PKDCC: variants seen among roughly 807,000 people sequenced by gnomAD.
The protein encoded by PKDCC is extracellular tyrosine-protein kinase PKDCC.
In PKDCC, 35 loss-of-function variants were observed where a neutral mutation model predicts 44.7. The ratio of observed to expected loss-of-function variants is 0.78; its 90% CI spans 0.60 to 1.04. The LOEUF (loss-of-function observed/expected upper bound fraction) is 1.04. PKDCC is among the 50% of genes least tolerant of loss of function. PKDCC has a pLI of 0.00. For synonymous variants in PKDCC, 353 were observed against 303.3 expected, an observed-to-expected ratio of 1.16 and a Z score of -1.70; for missense variants, 738 against 672.7, an observed-to-expected ratio of 1.10 and a Z score of -1.07.
At chr2:42,053,469 G>T in intron 2 of PKDCC, 108 bp downstream of exon 2, 2 of 1,448,804 alleles carry the variant, frequency 1.4e-6, no homozygotes, top group South Asian at 2.8e-5. Flanking sequence ...CAGGGAGAGG[G>T]AGGGGAGGAA....
chr2:42,057,594 G>A lies in PKDCC; in HGVS notation c.1397-9G>A, dbSNP rs1668079006. On this transcript the variant is annotated splice_polypyrimidine_tract_variant and intron_variant, in intron 6 of 6. Coordinates refer to ENST00000294964, the MANE Select transcript of PKDCC (RefSeq NM_138370.3). ...TCCAGCCCTGTTACCTCTCACCTCT[G>A]CCCCCCAGGTCGGCAGCTGGTCTTT... 1 of 1,613,096 alleles carries A rather than the reference G, an allele frequency of 6.2e-7. No individual in the cohort carries two copies. The highest frequency in any genetic ancestry group is 8.5e-7 in the Non-Finnish European group (1 of 1,179,650).
In PKDCC at chr2:42,055,344, G is replaced by A; in HGVS notation, c.1173G>A (p.Leu391=). ...CCCAGCTGGAGAAGGTGCTGCACCTGTACCGGAGCGGGCAGTATCTGCAGA... is the reference window on the plus strand; with the variant it reads ...CCCAGCTGGAGAAGGTGCTGCACCTATACCGGAGCGGGCAGTATCTGCAGA... ...TLAQLEKVLH[L]YRSGQYLQNS... is the part of the protein sequence containing the mutation. Residue 391 remains leucine, a synonymous_variant, in exon 5 of 7, where the codon CTG becomes CTA. Transcript: ENST00000294964. The surrounding 1 kb of genome is among the most constrained non-coding windows in gnomAD (Gnocchi z 4.5). The A allele has an allele frequency of 6.2e-7, 1 of 1,613,756 alleles. No individual in the cohort carries two copies. The highest frequency in any genetic ancestry group is 8.5e-7 in the Non-Finnish European group (1 of 1,180,006).
chr2:42,053,061 C>G (rs1214825802), intron 1 of PKDCC, among the ~76,000 whole-genome samples, 178 bp from the exon 2 acceptor site: 2 of 152,322 alleles, frequency 1.3e-5, no homozygotes, highest in East Asian at 3.9e-4. Flanking sequence ...AGTAGGAAGT[C>G]TGACTGCAGG....
chr2:42,053,985 AC>A, intron 2 of PKDCC, 50 bp from the exon 3 acceptor site: 1 of 1,574,932 alleles, frequency 6.3e-7, no homozygotes, highest in Non-Finnish European at 8.6e-7. Context: ...AGTCCCACAG[AC>A]CCCCAACCCA....
Position 42,055,415 on chromosome 2 carries a change from C to A in PKDCC, c.1222+22C>A, listed in dbSNP as rs1572762673. The A allele has an allele frequency of 8.7e-6, 14 of 1,604,608 alleles. No individual in the cohort carries two copies. In the East Asian group the frequency reaches 2.9e-4, roughly 33 times the overall value. ...ACCGGTGAGTGGCCCCAAGCTGATCCACAGGGAAGCAAGAAACAGGTGGGA... is the reference window on the plus strand; with the variant it reads ...ACCGGTGAGTGGCCCCAAGCTGATCAACAGGGAAGCAAGAAACAGGTGGGA... On this transcript the variant is annotated intron_variant, in intron 5 of 6. Coordinates refer to ENST00000294964, the MANE Select transcript of PKDCC (RefSeq NM_138370.3). The surrounding 1 kb of genome is among the most constrained non-coding windows in gnomAD (Gnocchi z 4.5).
intron 2 of PKDCC, 171 bp downstream of exon 2, chr2:42,053,532 C>T: frequency 1.1e-6 from 1 of 871,880 alleles, no homozygotes; most frequent in Non-Finnish European, 1.7e-6. Context: ...AGAAGCAAGA[C>T]TTAAAGGATC....
At position 42,057,265 on chromosome 2, in the gene PKDCC, C is replaced by T. The variant is rs1370426689; in HGVS notation, c.1267C>T (p.Arg423Cys). Residue 423 changes from arginine (R) to cysteine (C), a missense_variant, in exon 6 of 7, where the codon CGC (arginine) becomes TGC (cysteine). Coordinates refer to ENST00000294964, the MANE Select transcript of PKDCC (RefSeq NM_138370.3). ...CAGCACCATCCCCCAGGAAGACTAC[C>T]GCTGCTGGCCATCCTACCACCACGG... is the stretch of plus-strand genomic sequence containing the variant. ...PDSTIPQEDY[R>C]CWPSYHHGSC... 1.5e-5 allele frequency: 24 copies of T among 1,614,092 alleles called. No homozygotes were observed. Among genetic ancestry groups the T allele is most frequent in the Middle Eastern group, 1.6e-4 (1 of 6,084 alleles).
At position 42,053,255 on chromosome 2, in the gene PKDCC, A is replaced by G; in HGVS notation, c.656A>G (p.Tyr219Cys). The G allele has an allele frequency of 6.2e-7, 1 of 1,606,768 alleles. No individual in the cohort carries two copies. The highest frequency in any genetic ancestry group is 8.5e-7 in the Non-Finnish European group (1 of 1,178,630). ...PNVLQLYGYC[Y>C]QDSEDIPDTL... Reference sequence around the variant, plus strand: ...TTTCCCCAGCTCTATGGCTACTGCTACCAGGACAGCGAGGACATCCCAGAC... The same window carrying G: ...TTTCCCCAGCTCTATGGCTACTGCTGCCAGGACAGCGAGGACATCCCAGAC... Residue 219 changes from tyrosine (Y) to cysteine (C), a missense_variant, in exon 2 of 7, where the codon TAC (tyrosine) becomes TGC (cysteine). Physicochemically the swap from Tyr to Cys is radical, Grantham distance 194. Transcript: ENST00000294964.
chr2:42,048,498 C>G lies in PKDCC; in HGVS notation c.299C>G (p.Pro100Arg). 5 of 1,069,986 alleles carry G rather than the reference C, an allele frequency of 4.7e-6. No homozygotes were observed. The highest frequency in any genetic ancestry group is 1.7e-5 in the African/African-American group (1 of 58,900). The allele number at this position is 1,069,986 out of a possible 1,614,324, so 66.3% of individuals were successfully genotyped here. A position where few individuals can be genotyped will look rare whatever the true frequency, so the allele number is the denominator to read the frequency against. The change falls in exon 1 of 7, where the codon CCC (proline) becomes CGC (arginine). Residue 100 changes from proline (P) to arginine (R), a missense_variant. Transcript: ENST00000294964. The surrounding 1 kb of genome is among the most constrained non-coding windows in gnomAD (Gnocchi z 6.2). ...LAPGGPGLPRPRPPWARPLSD... is the reference protein window; with the variant it reads ...LAPGGPGLPRRRPPWARPLSD... ...CCGGGCGGGCCCGGCCTGCCGCGCCCCCGGCCCCCTTGGGCCCGGCCCCTG... is the reference window on the plus strand; with the variant it reads ...CCGGGCGGGCCCGGCCTGCCGCGCCGCCGGCCCCCTTGGGCCCGGCCCCTG...
At position 42,048,142 on chromosome 2, in the gene PKDCC, C is replaced by T. The variant is rs1395351670; in HGVS notation, c.-58C>T. 5 of 952,328 alleles carry T rather than the reference C, an allele frequency of 5.3e-6. No individual in the cohort carries two copies. The highest frequency in any genetic ancestry group is 6.2e-6 in the Non-Finnish European group (5 of 810,994). The allele number at this position is 952,328 out of a possible 1,614,324, so 59.0% of individuals were successfully genotyped here. On this transcript the variant is annotated 5_prime_UTR_variant, in exon 1 of 7. Coordinates refer to ENST00000294964, the MANE Select transcript of PKDCC (RefSeq NM_138370.3). The surrounding 1 kb of genome is among the most constrained non-coding windows in gnomAD (Gnocchi z 6.2). ...AGCGGAGCCGCCTCGGAGCCTGAGC[C>T]GCCCGGGGCCGGGGCCGGGGAGCCG...
chr2:42,050,608 T>A lies in PKDCC; in HGVS notation c.639+1770T>A, dbSNP rs1490823800. Among the ~76,000 whole-genome samples, 6 of 152,066 alleles carry A rather than the reference T, an allele frequency of 3.9e-5. No homozygotes were observed. The South Asian group carries it at 1.2e-3, about 32-fold the overall frequency. ...AATTCTGAAGGCACCAAAGAAAAAA[T>A]TACAACAGAATAGTTTTCACCCTTC... On this transcript the variant is annotated intron_variant, in intron 1 of 6. Coordinates refer to ENST00000294964, the MANE Select transcript of PKDCC (RefSeq NM_138370.3).
Position 42,048,394 on chromosome 2 carries a change from G to C in PKDCC, c.195G>C (p.Glu65Asp). The stretch of plus-strand genomic sequence containing the variant: ...CCCGGCAGATCCGGGCGCGCTACGA[G>C]GAGGTGCAGCGCTATTCCCGCGGGG... ...ELARQIRARY[E>D]EVQRYSRGGP... The change falls in exon 1 of 7, where the codon GAG becomes GAC. Residue 65 changes from glutamate to aspartate, a missense_variant. By Grantham distance (45) the Glu-to-Asp change is conservative. Coordinates refer to ENST00000294964, the MANE Select transcript of PKDCC (RefSeq NM_138370.3). The surrounding 1 kb of genome is among the most constrained non-coding windows in gnomAD (Gnocchi z 6.2). 8.6e-7 allele frequency: 1 copy of C among 1,157,718 alleles called. No homozygotes were observed. Among genetic ancestry groups the C allele is most frequent in the Non-Finnish European group, 1.1e-6 (1 of 942,970 alleles). 71.7% of individuals were successfully genotyped at this position (1,157,718 alleles called of 1,614,324 possible).
Position 42,048,813 on chromosome 2 carries a change from G to A in PKDCC, c.614G>A (p.Arg205Gln), listed in dbSNP as rs769204618. 2.7e-6 allele frequency: 4 copies of A among 1,473,972 alleles called. No individual in the cohort carries two copies. In the African/African-American group the frequency reaches 5.6e-5, roughly 21 times the overall value. 91.3% of individuals were successfully genotyped at this position (1,473,972 alleles called of 1,614,324 possible). A position where few individuals can be genotyped will look rare whatever the true frequency, so the allele number is the denominator to read the frequency against. Residue 205 changes from arginine (R) to glutamine (Q), a missense_variant, in exon 1 of 7, where the codon CGG becomes CAG. Arg to Gln is a conservative substitution (Grantham distance 43). Coordinates refer to ENST00000294964, the MANE Select transcript of PKDCC (RefSeq NM_138370.3). This position sits in a 1 kb window ranked among gnomAD's most constrained non-coding sequence, Gnocchi z 6.2. ...CTTAAGGAGATGGTGCTGCTGGAGC[G>A]GCTGCGGCACCCCAACGTGCTGCAG... ...KLLKEMVLLE[R>Q]LRHPNVLQLY...
rs1668074061 is a variant in PKDCC at position 42,057,316 on chromosome 2, C to G, written c.1318C>G (p.Leu440Val). The change falls in exon 6 of 7, where the codon CTG (leucine) becomes GTG (valine). Residue 440 changes from leucine to valine, a missense_variant. Coordinates refer to ENST00000294964, the MANE Select transcript of PKDCC (RefSeq NM_138370.3). ...HGSCLLSVFN[L>V]AEAVDVCESH... The stretch of plus-strand genomic sequence containing the variant: ...GAGCTGCCTCCTTTCAGTGTTCAAC[C>G]TGGCTGAGGCTGTGGATGTCTGTGA... 1 of 1,614,208 alleles carries G rather than the reference C, an allele frequency of 6.2e-7. No homozygotes were observed. The highest frequency in any genetic ancestry group is 8.5e-7 in the Non-Finnish European group (1 of 1,180,032).
In PKDCC at chr2:42,057,870, G is replaced by A; in HGVS notation, c.*182G>A. The A allele has an allele frequency of 1.7e-6, 1 of 601,476 alleles. No individual in the cohort carries two copies. Among genetic ancestry groups the A allele is most frequent in the Non-Finnish European group, 2.9e-6 (1 of 341,198 alleles). The allele number at this position is 601,476 out of a possible 1,614,324, so 37.3% of individuals were successfully genotyped here. On this transcript the variant is annotated 3_prime_UTR_variant, in exon 7 of 7. Coordinates refer to ENST00000294964, the MANE Select transcript of PKDCC (RefSeq NM_138370.3). ...AATAATGCCAAATGTTAAAATGTGA[G>A]TTTACCAGCCTAGCTATGGGACTGC...
rs374316779 is a variant in PKDCC at position 42,054,093 on chromosome 2, G to C, written c.820G>C (p.Val274Leu). 1.9e-6 allele frequency: 3 copies of C among 1,612,758 alleles called. No homozygotes were observed. Among genetic ancestry groups the C allele is most frequent in the Non-Finnish European group, 2.5e-6 (3 of 1,179,858 alleles). Residue 274 changes from valine to leucine, a missense_variant, in exon 3 of 7, where the codon GTC becomes CTC. By Grantham distance (32) the Val-to-Leu change is conservative. Coordinates refer to ENST00000294964, the MANE Select transcript of PKDCC (RefSeq NM_138370.3). This position sits in a 1 kb window ranked among gnomAD's most constrained non-coding sequence, Gnocchi z 6.1. ...HHLAHSPLGS[V>L]TLLDFRPRQF... is the part of the protein sequence containing the mutation. ...CCTGGCCCACTCCCCACTGGGCTCCGTCACTCTGCTGGACTTCCGCCCTCG... is the reference window on the plus strand; with the variant it reads ...CCTGGCCCACTCCCCACTGGGCTCCCTCACTCTGCTGGACTTCCGCCCTCG...
rs768951954 is a variant in PKDCC, at chr2:42,048,741, A to T, written c.542A>T (p.Glu181Val). Residue 181 changes from glutamate (E) to valine (V), a missense_variant, in exon 1 of 7, where the codon GAG becomes GTG. Coordinates refer to ENST00000294964, the MANE Select transcript of PKDCC (RefSeq NM_138370.3). The surrounding 1 kb of genome is among the most constrained non-coding windows in gnomAD (Gnocchi z 6.2). ...SGHDLGSCVREFGVRRGCYRL... is the reference protein window; with the variant it reads ...SGHDLGSCVRVFGVRRGCYRL... ...CACGATCTGGGCAGCTGCGTGCGCG[A>T]GTTCGGGGTACGGAGGGGCTGCTAT... The T allele has an allele frequency of 5.7e-5, 90 of 1,577,770 alleles. No individual in the cohort carries two copies. The highest frequency in any genetic ancestry group is 7.4e-5 in the Non-Finnish European group (86 of 1,162,132).
intron 1 of PKDCC, among the ~76,000 whole-genome samples, chr2:42,050,766 AG>A (rs1558431217): frequency 6.6e-6 from 1 of 152,040 alleles, no homozygotes. Flanking sequence ...CTTTCTACCC[AG>A]GAAAAGTGAA....
chr2:42,053,973 C>G lies in PKDCC; in HGVS notation c.763-63C>G, dbSNP rs1044399006. On this transcript the variant is annotated intron_variant, in intron 2 of 6. Transcript: ENST00000294964. Reference sequence around the variant, plus strand: ...TCAGATTCCAAGAGGAGGGTGCCCTCGAGTCCCACAGACCCCCAACCCAGG... The same window carrying G: ...TCAGATTCCAAGAGGAGGGTGCCCTGGAGTCCCACAGACCCCCAACCCAGG... The G allele has an allele frequency of 1.9e-6, 3 of 1,557,372 alleles. No homozygotes were observed. The African/African-American group carries it at 4.1e-5, about 21-fold the overall frequency.
Sources: allele counts gnomAD v4.1 joint callset (sites outside exome capture counted in the v4.1 genomes callset), GRCh38; gene constraint gnomAD v4.1.1; non-coding constraint Gnocchi (gnomAD v3.1); transcripts MANE v1.5; gene names NCBI Gene and HGNC (gene_info 2026-07-23, HGNC 2026-07-21).